Variants in A2ML1 observed in about 807,000 individuals in gnomAD.
A2ML1 encodes alpha-2-macroglobulin-like protein 1.
Under a neutral mutation model 181.9 loss-of-function variants are expected in A2ML1, and 161 were observed. The ratio of observed to expected loss-of-function variants is 0.89; its 90% CI spans 0.78 to 1.01. The LOEUF (loss-of-function observed/expected upper bound fraction) is 1.01. Ranked by LOEUF, A2ML1 falls within the 50% of genes least tolerant of loss-of-function variation. The probability of loss-of-function intolerance (pLI) is 0.00; values close to 1 mark genes in which losing one functional copy is unlikely to be tolerated. For synonymous variants in A2ML1, 663 were observed against 666.8 expected (o/e 0.99, Z 0.09); for missense variants, 1,670 against 1,768.1 (o/e 0.94, Z 1.00).
Position 8,852,188 on chromosome 12 carries a change from G to A in A2ML1, c.2464-22G>A. 1 of 1,613,620 alleles carries A rather than the reference G, an allele frequency of 6.2e-7. No homozygotes were observed. The highest frequency in any genetic ancestry group is 8.5e-7 in the Non-Finnish European group (1 of 1,179,976). ...ACTACCTCCTTTGTTTGTACCCTTT[G>A]TCTCTTAAACATCCTCCGTAGGTTC... On this transcript the variant is annotated intron_variant, in intron 19 of 35. Coordinates refer to ENST00000299698, the MANE Select transcript of A2ML1 (RefSeq NM_144670.6). The surrounding 1 kb of genome is among the most constrained non-coding windows in gnomAD (Gnocchi z 4.2).
intron 33 of A2ML1, 60 bp from the exon 34 acceptor site, chr12:8,874,365 T>C: frequency 7.5e-7 from 1 of 1,328,784 alleles, no homozygotes; most frequent in Non-Finnish European, 1.1e-6. Context: ...TATTCCACAT[T>C]GCATACAGTG....
At chr12:8,873,178 T>G (rs1944687054) in intron 33 of A2ML1, among the ~76,000 whole-genome samples, 14 of 152,080 alleles carry the variant, frequency 9.2e-5, no homozygotes, top group Admixed American at 9.2e-4. Context: ...GCACTATACC[T>G]GAAGAACTTT....
chr12:8,847,956 A>G (rs1175611305), intron 15 of A2ML1, among the ~76,000 whole-genome samples: 1 of 151,096 alleles, frequency 6.6e-6, no homozygotes, highest in East Asian at 2.0e-4. Flanking sequence ...CCTGACCAAC[A>G]TGGAGAAACT....
At chr12:8,860,190 C>T (rs907842109) in intron 26 of A2ML1, among the ~76,000 whole-genome samples, 2 of 151,822 alleles carry the variant, frequency 1.3e-5, no homozygotes, top group African/African-American at 2.4e-5. Flanking sequence ...CACGGATCCA[C>T]GTGCCACTAC....
rs190860297 is a variant in A2ML1, at chr12:8,862,328, G to A, written c.3502+1031G>A. 9.6e-4 allele frequency among the ~76,000 whole-genome samples: 146 copies of A among 151,888 alleles called. 1 individual carries two copies. Among genetic ancestry groups the A allele is most frequent in the African/African-American group, 3.2e-3 (132 of 41,432 alleles). ...AGTGATTCTCCTGCCTCAGCCTCCC[G>A]AGTAGCTGGGATTACAGGTGCCCGC... On this transcript the variant is annotated intron_variant, in intron 28 of 35. Transcript: ENST00000299698.
chr12:8,846,089 C>G lies in A2ML1; in HGVS notation c.1550C>G (p.Ser517Cys). The change falls in exon 14 of 36, where the codon TCC becomes TGC. Residue 517 changes from serine (S) to cysteine (C), a missense_variant. Coordinates refer to ENST00000299698, the MANE Select transcript of A2ML1 (RefSeq NM_144670.6). The stretch of plus-strand genomic sequence containing the variant: ...TCTTCTCTTTCAGGACTGAAAGCCT[C>G]CTTCTCTCTCTCACTGACCTTCACT... ...LNSKKKGLKA[S>C]FSLSLTFTSR... 1 of 1,614,158 alleles carries G rather than the reference C, an allele frequency of 6.2e-7. No homozygotes were observed. The highest frequency in any genetic ancestry group is 8.5e-7 in the Non-Finnish European group (1 of 1,180,020).
rs767866990 is a variant in A2ML1 at position 8,855,537 on chromosome 12, G to A, written c.2793G>A (p.Leu931=). Residue 931 remains leucine (L), a synonymous_variant, in exon 23 of 36, where the codon CTG becomes CTA. Coordinates refer to ENST00000299698, the MANE Select transcript of A2ML1 (RefSeq NM_144670.6). ...KGKVASESVS[L]ELPVDIVPDS... ...AGGTGGCATCTGAATCTGTCTCCCT[G>A]GAGCTCCCAGTGGACATTGTTCCTG... The A allele has an allele frequency of 6.2e-7, 1 of 1,614,038 alleles. No individual in the cohort carries two copies. Among genetic ancestry groups the A allele is most frequent in the Non-Finnish European group, 8.5e-7 (1 of 1,179,996 alleles).
chr12:8,836,128 A>G (rs1943267188), intron 6 of A2ML1, 127 bp from the exon 7 acceptor site: 1 of 703,134 alleles, frequency 1.4e-6, no homozygotes, highest in African/African-American at 1.8e-5. Context: ...GGAACATGCT[A>G]CCTAAATAAT....
At chr12:8,831,418 TTC>T (rs998816927) in intron 4 of A2ML1, among the ~76,000 whole-genome samples, 2 of 152,212 alleles carry the variant, frequency 1.3e-5, no homozygotes, top group Non-Finnish European at 1.5e-5. Context: ...CTTCCAGGTG[TTC>T]TGTTTTCTGC....
chr12:8,854,546 T>G (rs1341616976), intron 21 of A2ML1, among the ~76,000 whole-genome samples: 1 of 152,218 alleles, frequency 6.6e-6, no homozygotes, highest in Non-Finnish European at 1.5e-5. Flanking sequence ...TCTTGCCTCT[T>G]AGAAGTTGCC....
chr12:8,869,352 G>A (rs1944543346), intron 33 of A2ML1, 149 bp downstream of exon 33: 2 of 754,734 alleles, frequency 2.6e-6, no homozygotes, highest in East Asian at 5.2e-5. Flanking sequence ...CCTCCATGCT[G>A]GTATACCGTA....
chr12:8,844,952 G>A (rs892478691), intron 12 of A2ML1: 1 of 1,314,896 alleles, frequency 7.6e-7, no homozygotes, highest in African/African-American at 1.5e-5. Context: ...TTTCAAGTGA[G>A]AGTGGACGGG....
intron 7 of A2ML1, among the ~76,000 whole-genome samples, chr12:8,882,950 C>T (rs778884375): frequency 6.6e-6 from 1 of 152,172 alleles, no homozygotes; most frequent in South Asian, 2.1e-4. Flanking sequence ...GCTCCATCTT[C>T]GGCCTTTGAC....
chr12:8,866,618 G>A (rs1944436470), intron 29 of A2ML1, among the ~76,000 whole-genome samples: 1 of 152,050 alleles, frequency 6.6e-6, no homozygotes, highest in Admixed American at 6.6e-5. Context: ...CTGACAGTGA[G>A]GTCCCTTTCT....
At chr12:8,836,444 C>T (rs2136767001) in intron 7 of A2ML1, 105 bp downstream of exon 7, 1 of 799,950 alleles carries the variant, frequency 1.3e-6, no homozygotes. Context: ...AAACTTGGGG[C>T]ATTTTATGTA....
In A2ML1 at chr12:8,846,175, G is replaced by A. The variant is rs1943678364; in HGVS notation, c.1636G>A (p.Val546Ile). The A allele has an allele frequency of 6.2e-7, 1 of 1,614,144 alleles. No individual in the cohort carries two copies. The highest frequency in any genetic ancestry group is 8.5e-7 in the Non-Finnish European group (1 of 1,180,006). The change falls in exon 14 of 36, where the codon GTA becomes ATA. Residue 546 changes from valine (V) to isoleucine (I), a missense_variant. Coordinates refer to ENST00000299698, the MANE Select transcript of A2ML1 (RefSeq NM_144670.6). ...IYAIFPSGGVVADKIQFSVEM... is the reference protein window; with the variant it reads ...IYAIFPSGGVIADKIQFSVEM... ...TGCCATTTTTCCCAGTGGAGGTGTT[G>A]TAGCTGACAAAATTCAGTTCTCAGT...
chr12:8,827,600 T>TG (rs1479142968), intron 3 of A2ML1, among the ~76,000 whole-genome samples: 1 of 152,226 alleles, frequency 6.6e-6, no homozygotes, highest in Non-Finnish European at 1.5e-5. Context: ...GATTGGTTGC[T>TG]GGTGCCTTAT....
chr12:8,869,290 C>T (rs896805809), intron 33 of A2ML1, 87 bp downstream of exon 33: 4 of 1,362,354 alleles, frequency 2.9e-6, no homozygotes, highest in African/African-American at 2.9e-5. Context: ...GGGTGTCACA[C>T]ACATGGGGAT....
downstream of A2ML1, chr12:8,880,442 T>G (rs1023200976): frequency 6.6e-6 from 1 of 151,918 alleles, no homozygotes; most frequent in Non-Finnish European, 1.5e-5. Flanking sequence ...TGTGTGTATG[T>G]GTGGGGCGGG....
Sources: gnomAD v4.1 joint callset for allele counts (sites outside exome capture counted in the v4.1 genomes callset) on GRCh38, gnomAD v4.1.1 for gene constraint, Gnocchi (gnomAD v3.1) non-coding constraint, MANE v1.5 for transcripts, NCBI Gene and HGNC (gene_info 2026-07-23, HGNC 2026-07-21) for gene names.